SLC35F4: variants seen among roughly 807,000 people sequenced by gnomAD.
SLC35F4 encodes the protein solute carrier family 35 member F4, also known as chromosome 14 open reading frame 36.
In SLC35F4, 24 loss-of-function variants were observed where a neutral mutation model predicts 44.2. The ratio of observed to expected loss-of-function variants is 0.54; its 90% CI spans 0.39 to 0.76. SLC35F4 has a LOEUF of 0.76. Ranked by LOEUF, SLC35F4 falls within the 30% of genes least tolerant of loss-of-function variation. The pLI is 0.00. For synonymous variants in SLC35F4, 238 were observed against 223.6 expected (o/e 1.06, Z -0.57); for missense variants, 562 against 586.1 (o/e 0.96, Z 0.42).
At chr14:57,657,671 C>T (rs11622600) in intron 1 of SLC35F4, among the ~76,000 whole-genome samples, 21,760 of 152,076 alleles carry the variant, frequency 0.14, 1,920 homozygotes, top group African/African-American at 0.24. Context: ...GATGGTTATT[C>T]TCTACACAGA....
chr14:57,621,255 C>T (rs11844880), intron 1 of SLC35F4, among the ~76,000 whole-genome samples: 81,381 of 138,896 alleles, frequency 0.59, 26,015 homozygotes, highest in Non-Finnish European at 0.73. Context: ...AGGTAATTTA[C>T]AGATTCAATG....
intron 1 of SLC35F4, among the ~76,000 whole-genome samples, chr14:57,762,038 T>G (rs1319603076): frequency 1.3e-5 from 2 of 152,206 alleles, no homozygotes; most frequent in African/African-American, 4.8e-5. Flanking sequence ...AGGTCACAGC[T>G]GGAAACACCC....
At chr14:57,924,414 G>C (rs1262842326) in intron 1 of SLC35F4, among the ~76,000 whole-genome samples, 1 of 151,852 alleles carries the variant, frequency 6.6e-6, no homozygotes, top group South Asian at 2.1e-4. Context: ...GGGTGATGGG[G>C]GCATGCCAGG....
At chr14:57,795,416 T>A (rs1347954235) in intron 1 of SLC35F4, among the ~76,000 whole-genome samples, 1 of 152,102 alleles carries the variant, frequency 6.6e-6, no homozygotes, top group Non-Finnish European at 1.5e-5. Flanking sequence ...GAAGGAAAAA[T>A]AATTCAAGAG....
At chr14:57,631,846 C>A (rs1004015827) in intron 1 of SLC35F4, among the ~76,000 whole-genome samples, 3 of 152,012 alleles carry the variant, frequency 2.0e-5, no homozygotes, top group African/African-American at 7.2e-5. Flanking sequence ...AATCTCAAAT[C>A]TTTATAAAAA....
chr14:57,719,219 T>C (rs1256717780), intron 1 of SLC35F4, among the ~76,000 whole-genome samples: 2 of 152,234 alleles, frequency 1.3e-5, no homozygotes, highest in Admixed American at 1.3e-4. Context: ...GCCAGTACCA[T>C]GCTGTTTTGG....
intron 1 of SLC35F4, among the ~76,000 whole-genome samples, chr14:57,687,529 G>C (rs1162976400): frequency 2.0e-5 from 3 of 152,240 alleles, no homozygotes; most frequent in Admixed American, 6.5e-5. Context: ...GAGCTCTTTT[G>C]AATTCCAAGC....
chr14:57,590,711 A>G (rs1324722881), intron 2 of SLC35F4, among the ~76,000 whole-genome samples: 2 of 152,170 alleles, frequency 1.3e-5, no homozygotes, highest in African/African-American at 4.8e-5. Flanking sequence ...GAGATCCCAG[A>G]TGGTAATTGC....
intron 1 of SLC35F4, among the ~76,000 whole-genome samples, chr14:57,830,489 T>G (rs1188252671): frequency 6.6e-6 from 1 of 152,226 alleles, no homozygotes; most frequent in Non-Finnish European, 1.5e-5. Context: ...CCCAATTTTA[T>G]GTTATGCTAT....
intron 1 of SLC35F4, among the ~76,000 whole-genome samples, chr14:57,669,845 A>G (rs987242622): frequency 4.6e-5 from 7 of 152,114 alleles, no homozygotes; most frequent in Non-Finnish European, 8.8e-5. Context: ...CTGGCCTCAT[A>G]AAATGAGTTA....
intron 1 of SLC35F4, among the ~76,000 whole-genome samples, chr14:57,951,407 T>C (rs911345363): frequency 6.6e-6 from 1 of 151,854 alleles, no homozygotes; most frequent in South Asian, 2.1e-4. Flanking sequence ...CATACCCCAG[T>C]GGTGCCTGAA....
intron 1 of SLC35F4, among the ~76,000 whole-genome samples, chr14:57,784,547 C>T (rs1030012675): frequency 1.3e-5 from 2 of 152,006 alleles, no homozygotes; most frequent in Non-Finnish European, 2.9e-5. Flanking sequence ...TAGTCAGGGG[C>T]GTGCCTGTAG....
chr14:57,886,845 C>T (rs759100902), intron 1 of SLC35F4, among the ~76,000 whole-genome samples: 4 of 151,924 alleles, frequency 2.6e-5, no homozygotes, highest in Non-Finnish European at 5.9e-5. Context: ...ATAAGGAGTA[C>T]ATTTGGATGC....
At chr14:57,970,401 T>C (rs376034461) in intron 1 of SLC35F4, among the ~76,000 whole-genome samples, 26 of 152,182 alleles carry the variant, frequency 1.7e-4, no homozygotes, top group African/African-American at 6.0e-4. Flanking sequence ...AGACAGGATG[T>C]GGCCAGATTC....
intron 1 of SLC35F4, among the ~76,000 whole-genome samples, chr14:57,734,868 G>C (rs966538642): frequency 1.3e-5 from 2 of 152,190 alleles, no homozygotes; most frequent in Non-Finnish European, 2.9e-5. Flanking sequence ...TGAAACCTCA[G>C]TATAAAATAA....
At chr14:57,640,144 A>G (rs970374992) in intron 1 of SLC35F4, among the ~76,000 whole-genome samples, 8 of 151,958 alleles carry the variant, frequency 5.3e-5, no homozygotes, top group Admixed American at 2.0e-4. Context: ...TTTCTCTCCA[A>G]TGGTCTCTGC....
chr14:57,602,116 A>C lies in SLC35F4; in HGVS notation c.104-7992T>G, dbSNP rs184096021. 1.2e-4 allele frequency among the ~76,000 whole-genome samples: 18 copies of C among 151,930 alleles called. No homozygotes were observed. The East Asian group carries it at 2.5e-3, about 21-fold the overall frequency. On this transcript the variant is annotated intron_variant, in intron 1 of 7. Coordinates refer to ENST00000556826, the MANE Select transcript of SLC35F4 (RefSeq NM_001306087.2). ...TGAGCAATTCAATAGCACAGAAAATAAGGATAATTATTGTTCAGAAAGTGG... is the reference window on the plus strand; with the variant it reads ...TGAGCAATTCAATAGCACAGAAAATCAGGATAATTATTGTTCAGAAAGTGG...
chr14:57,683,812 G>A (rs190331605), intron 1 of SLC35F4, among the ~76,000 whole-genome samples: 2 of 152,178 alleles, frequency 1.3e-5, no homozygotes, highest in East Asian at 3.9e-4. Context: ...AGTAGGAAAG[G>A]GGCTATGGGC....
chr14:57,670,129 T>C (rs983408877), intron 1 of SLC35F4, among the ~76,000 whole-genome samples: 2 of 152,198 alleles, frequency 1.3e-5, no homozygotes, highest in African/African-American at 2.4e-5. Flanking sequence ...GAGGTGTTTA[T>C]AGTATTCTCT....
Sources: allele counts gnomAD v4.1 joint callset (sites outside exome capture counted in the v4.1 genomes callset), GRCh38; gene constraint gnomAD v4.1.1; transcripts MANE v1.5; gene names NCBI Gene and HGNC (gene_info 2026-07-23, HGNC 2026-07-21).